The following ATR variants were observed in gnomAD, a reference collection of about 807,000 sequenced individuals.
The protein encoded by ATR is serine/threonine-protein kinase ATR.
A neutral mutation model predicts 305.3 loss-of-function variants in ATR; 142 were observed. The ratio of observed to expected loss-of-function variants is 0.47; its 90% confidence interval spans 0.41 to 0.53. The LOEUF (loss-of-function observed/expected upper bound fraction) is 0.53. Among genes scored for constraint, ATR ranks in the 20% least tolerant of loss-of-function variants. The pLI is 0.00. For synonymous variants in ATR, 1,050 were observed against 1,068.1 expected (o/e 0.98, Z 0.33); for missense variants, 2,135 against 3,133.1 (o/e 0.68, Z 7.60).
chr3:142,571,169 C>T (rs528286635), intron 1 of ATR, among the ~76,000 whole-genome samples: 23 of 151,950 alleles, frequency 1.5e-4, no homozygotes, highest in African/African-American at 2.7e-4. Flanking sequence ...GAGGAATGCA[C>T]TTAAATAATC....
At chr3:142,569,066 C>A (rs1169332409) in intron 1 of ATR, among the ~76,000 whole-genome samples, 1 of 152,142 alleles carries the variant, frequency 6.6e-6, no homozygotes, top group East Asian at 1.9e-4. Flanking sequence ...AGCCTGGAAG[C>A]CTGGCTGCCA....
intron 24 of ATR, among the ~76,000 whole-genome samples, chr3:142,519,228 A>T (rs2033037129): frequency 1.3e-5 from 2 of 152,220 alleles, no homozygotes; most frequent in African/African-American, 2.4e-5. Flanking sequence ...ATAAGCATAA[A>T]TCATAGTGAA....
intron 42 of ATR, 25 bp from the exon 43 acceptor site, chr3:142,459,408 A>G: frequency 1.2e-6 from 2 of 1,613,488 alleles, no homozygotes; most frequent in Non-Finnish European, 1.7e-6. Context: ...GATATCCATT[A>G]ATCACATCAG....
In ATR at chr3:142,515,497, C is replaced by G; in HGVS notation, c.4401G>C (p.Lys1467Asn). The G allele has an allele frequency of 6.2e-7, 1 of 1,611,244 alleles. No individual in the cohort carries two copies. Among genetic ancestry groups the G allele is most frequent in the Non-Finnish European group, 8.5e-7 (1 of 1,177,538 alleles). The change falls in exon 25 of 47, where the codon AAG becomes AAC. Residue 1467 changes from lysine (K) to asparagine (N), a missense_variant. Lys to Asn is a moderately conservative substitution (Grantham distance 94). Around this residue, in one of 9 missense-constraint regions of ATR, gnomAD observed 202 missense variants for 252.9 expected, o/e 0.80. Coordinates refer to ENST00000350721, the MANE Select transcript of ATR (RefSeq NM_001184.4). ...TCTTTACTCCAGACCAATCGGTTGA[C>G]TTCTGAGAACTCTTGTATCTGTAAT... ...HLNTRYKSSQ[K>N]STDWSGVKKP...
intron 44 of ATR, among the ~76,000 whole-genome samples, chr3:142,458,679 G>A (rs1203004555): frequency 6.6e-6 from 1 of 152,042 alleles, no homozygotes; most frequent in Non-Finnish European, 1.5e-5. Context: ...GAACTGATCT[G>A]CCCTTATTCA....
intron 36 of ATR, among the ~76,000 whole-genome samples, chr3:142,480,678 C>A (rs985537353): frequency 6.6e-6 from 1 of 152,216 alleles, no homozygotes; most frequent in African/African-American, 2.4e-5. Flanking sequence ...ATGCCCTGCC[C>A]CCAGAGGTGG....
intron 36 of ATR, among the ~76,000 whole-genome samples, chr3:142,482,916 CT>C (rs1288290519): frequency 2.0e-5 from 3 of 148,606 alleles, no homozygotes; most frequent in African/African-American, 5.0e-5. Flanking sequence ...ACAAATATTG[CT>C]TTTTTTTTCC....
intron 21 of ATR, among the ~76,000 whole-genome samples, chr3:142,524,469 C>T (rs1188168188): frequency 6.6e-6 from 1 of 152,066 alleles, no homozygotes; most frequent in African/African-American, 2.4e-5. Flanking sequence ...TATCAATATA[C>T]AAAAAATCAG....
At chr3:142,536,251 T>C (rs368453565) in intron 19 of ATR, 50 bp from the exon 20 acceptor site, 21 of 1,281,488 alleles carry the variant, frequency 1.6e-5, no homozygotes, top group Non-Finnish European at 2.1e-5. Context: ...ATATGAATAC[T>C]AAAAAAATGT....
At chr3:142,540,134 GA>G (rs1220714588) in intron 18 of ATR, among the ~76,000 whole-genome samples, 3 of 151,944 alleles carry the variant, frequency 2.0e-5, no homozygotes, top group African/African-American at 7.2e-5. Context: ...AGACAGGGAG[GA>G]AAGAAAAAAT....
intron 46 of ATR, chr3:142,451,936 A>G (rs915160102): frequency 1.6e-6 from 2 of 1,234,008 alleles, no homozygotes; most frequent in Non-Finnish European, 2.1e-6. Context: ...ATCCAGTACA[A>G]GCCAAGTATA....
At position 142,468,072 on chromosome 3, in the gene ATR, T is replaced by C; in HGVS notation, c.6553-4A>G. 6.2e-7 allele frequency: 1 copy of C among 1,611,768 alleles called. No homozygotes were observed. The highest frequency in any genetic ancestry group is 8.5e-7 in the Non-Finnish European group (1 of 1,179,020). The stretch of plus-strand genomic sequence containing the variant: ...TCACACGCATGGGATAAGATGACTG[T>C]CATAAAAAAGAGTTAAATGTCATAA... On this transcript the variant is annotated splice_region_variant and splice_polypyrimidine_tract_variant and intron_variant, in intron 38 of 46. Transcript: ENST00000350721.
Position 142,556,320 on chromosome 3 carries a change from T to C in ATR, c.2078+63A>G, listed in dbSNP as rs1018934837. ...AACAATAAACACAACCCTGCATACA[T>C]AGCCAGACAATTATGATCTTTCCAA... On this transcript the variant is annotated intron_variant, in intron 9 of 46. Coordinates refer to ENST00000350721, the MANE Select transcript of ATR (RefSeq NM_001184.4). 31 of 1,553,404 alleles carry C rather than the reference T, an allele frequency of 2.0e-5. No individual in the cohort carries two copies. The Middle Eastern group carries it at 1.9e-3, about 93-fold the overall frequency.
chr3:142,545,073 T>C (rs974116805), intron 16 of ATR, among the ~76,000 whole-genome samples: 7 of 152,222 alleles, frequency 4.6e-5, no homozygotes, highest in African/African-American at 7.2e-5. Context: ...TTTGACTTTA[T>C]CTACCTACCA....
chr3:142,557,576 A>G (rs1409064732), intron 8 of ATR, among the ~76,000 whole-genome samples: 1 of 152,204 alleles, frequency 6.6e-6, no homozygotes, highest in African/African-American at 2.4e-5. Flanking sequence ...TCAACAGAAC[A>G]ATCAACACCA....
intron 38 of ATR, 39 bp downstream of exon 38, chr3:142,469,298 A>T: frequency 6.5e-7 from 1 of 1,529,692 alleles, no homozygotes; most frequent in African/African-American, 1.4e-5. Flanking sequence ...TAAAATGGTA[A>T]AAGATCTTTT....
Position 142,549,467 on chromosome 3 carries a change from A to C in ATR, c.3171+12T>G. 6.6e-7 allele frequency: 1 copy of C among 1,520,444 alleles called. No homozygotes were observed. The highest frequency in any genetic ancestry group is 8.9e-7 in the Non-Finnish European group (1 of 1,127,660). 94.2% of individuals were successfully genotyped at this position (1,520,444 alleles called of 1,614,324 possible). A position where few individuals can be genotyped will look rare whatever the true frequency, so the allele number is the denominator to read the frequency against. ...ATATAAAAAAGTAAAATATATAGAAATATTCAATTACCTTCAGATAATGAA... is the reference window on the plus strand; with the variant it reads ...ATATAAAAAAGTAAAATATATAGAACTATTCAATTACCTTCAGATAATGAA... On this transcript the variant is annotated intron_variant, in intron 15 of 46. Transcript: ENST00000350721.
At chr3:142,498,566 C>T (rs1204740346) in intron 32 of ATR, 31 bp downstream of exon 32, 1 of 1,606,640 alleles carries the variant, frequency 6.2e-7, no homozygotes, top group Admixed American at 1.7e-5. Flanking sequence ...ATTTATAGGC[C>T]AGAAATATAA....
intron 21 of ATR, among the ~76,000 whole-genome samples, chr3:142,527,074 C>A (rs992260039): frequency 1.3e-5 from 2 of 152,116 alleles, no homozygotes; most frequent in Admixed American, 6.5e-5. Context: ...CAGGCATGAG[C>A]CACTACACCC....
Sources: gnomAD v4.1 joint callset for allele counts (sites outside exome capture counted in the v4.1 genomes callset) on GRCh38, gnomAD v4.1.1 for gene constraint, gnomAD v4.1.1 regional missense constraint, MANE v1.5 for transcripts, NCBI Gene and HGNC (gene_info 2026-07-23, HGNC 2026-07-21) for gene names.